EXTL3: variants seen among roughly 807,000 people sequenced by gnomAD.
EXTL3 encodes exostosin like glycosyltransferase 3.
Under a neutral mutation model 69.3 loss-of-function variants are expected in EXTL3, and 27 were observed. That is an observed-to-expected ratio of 0.39 (90% CI 0.29 to 0.54). The LOEUF (loss-of-function observed/expected upper bound fraction) is 0.54, where lower values mean the gene tolerates loss of function less well. EXTL3 is among the 20% of genes least tolerant of loss of function. EXTL3 has a pLI of 0.69. For synonymous variants in EXTL3, 511 were observed against 499.4 expected (o/e 1.02, Z -0.31); for missense variants, 1,003 against 1,231.8 (o/e 0.81, Z 2.78).
At chr8:28,652,426 G>A (rs911071710) in intron 1 of EXTL3, among the ~76,000 whole-genome samples, 5 of 152,046 alleles carry the variant, frequency 3.3e-5, no homozygotes, top group Non-Finnish European at 1.5e-5. Flanking sequence ...GGAGGCCAAG[G>A]TGGGAGGATT....
At chr8:28,633,968 C>T (rs144455072) in intron 1 of EXTL3, among the ~76,000 whole-genome samples, 27 of 152,252 alleles carry the variant, frequency 1.8e-4, no homozygotes, top group African/African-American at 5.8e-4. Context: ...TTTTCAGACA[C>T]GGAATCTGGT....
In EXTL3 at chr8:28,667,213, A is replaced by G. The variant is rs891026250; in HGVS notation, c.-53+44403A>G. 2.6e-5 allele frequency among the ~76,000 whole-genome samples: 4 copies of G among 152,332 alleles called. No homozygotes were observed. In the East Asian group the frequency reaches 7.7e-4, roughly 29 times the overall value. On this transcript the variant is annotated intron_variant, in intron 1 of 6. Coordinates refer to the EXTL3 transcript ENST00000523149. ...GGGGTCAAGACTCAACCCTGAATAT[A>G]ACAGTGGCAGCTGGGGATTTGTAGA...
chr8:28,684,295 G>A (rs1204390816), intron 1 of EXTL3, among the ~76,000 whole-genome samples: 1 of 152,140 alleles, frequency 6.6e-6, no homozygotes, highest in Non-Finnish European at 1.5e-5. Flanking sequence ...TATATACCCA[G>A]CAGTGGGATT....
intron 1 of EXTL3, among the ~76,000 whole-genome samples, chr8:28,674,508 C>T (rs2130648154): frequency 6.6e-6 from 1 of 152,314 alleles, no homozygotes; most frequent in South Asian, 2.1e-4. Flanking sequence ...CAAAAATGAC[C>T]TAGGAACTTT....
At chr8:28,732,122 C>T (rs768122827) in intron 4 of EXTL3, among the ~76,000 whole-genome samples, 2 of 152,126 alleles carry the variant, frequency 1.3e-5, no homozygotes, top group African/African-American at 2.4e-5. Flanking sequence ...AACCTGCACC[C>T]GGCCTTCAAC....
At chr8:28,731,179 A>T in intron 3 of EXTL3, 44 bp from the exon 4 acceptor site, 4 of 1,613,926 alleles carry the variant, frequency 2.5e-6, no homozygotes, top group Non-Finnish European at 3.4e-6. Context: ...TTGGCCTTTC[A>T]TAACACAGCC....
chr8:28,650,843 G>A (rs13439412), intron 1 of EXTL3, among the ~76,000 whole-genome samples: 3 of 151,888 alleles, frequency 2.0e-5, no homozygotes, highest in African/African-American at 4.8e-5. Flanking sequence ...TTGATATCTC[G>A]TAGGGATAAC....
At chr8:28,638,012 G>A (rs553360668) in intron 1 of EXTL3, among the ~76,000 whole-genome samples, 2 of 152,092 alleles carry the variant, frequency 1.3e-5, no homozygotes, top group South Asian at 2.1e-4. Flanking sequence ...CTTTCCTGAC[G>A]CACGTGTCTT....
chr8:28,749,173 A>G (rs1801951238), intron 6 of EXTL3, among the ~76,000 whole-genome samples: 1 of 152,226 alleles, frequency 6.6e-6, no homozygotes, highest in East Asian at 1.9e-4. Context: ...ACAGCTGATC[A>G]TGAGCAGGAG....
chr8:28,713,615 GTTGT>G, intron 2 of EXTL3, 65 bp downstream of exon 2: 2 of 687,670 alleles, frequency 2.9e-6, no homozygotes, highest in East Asian at 2.7e-5. Flanking sequence ...CTTCCATTCT[GTTGT>G]TTCTTTGTTA....
chr8:28,738,706 A>G (rs1487679300), intron 5 of EXTL3, among the ~76,000 whole-genome samples: 1 of 152,190 alleles, frequency 6.6e-6, no homozygotes, highest in Non-Finnish European at 1.5e-5. Context: ...GTAGACTTTG[A>G]GGCACTCATT....
In EXTL3 at chr8:28,715,987, G is replaced by GT; in HGVS notation, c.-69dup. 1.6e-6 allele frequency: 2 copies of GT among 1,269,096 alleles called. No individual in the cohort carries two copies. The highest frequency in any genetic ancestry group is 2.6e-4 in the Middle Eastern group (1 of 3,798). The allele number at this position is 1,269,096 out of a possible 1,614,324, so 78.6% of individuals were successfully genotyped here. A position where few individuals can be genotyped will look rare whatever the true frequency, so the allele number is the denominator to read the frequency against. On this transcript the variant is annotated 5_prime_UTR_variant, in exon 3 of 7. An upstream open reading frame in the 5' UTR loses its in-frame stop. Transcript: ENST00000220562. ...GAAACGTGTCAGTGAAACAGAGATCGTTTTGTGGAATAGCAACCCATGGTT... is the reference window on the plus strand; with the variant it reads ...GAAACGTGTCAGTGAAACAGAGATCGTTTTTGTGGAATAGCAACCCATGGTT...
chr8:28,715,939 T>A lies in EXTL3; in HGVS notation c.-121T>A. Reference sequence around the variant, plus strand: ...TGTTCATTTTATTTGGTGCCTTGTCTGGGGAGCACACTAACTCTTCTGGAA... The same window carrying A: ...TGTTCATTTTATTTGGTGCCTTGTCAGGGGAGCACACTAACTCTTCTGGAA... On this transcript the variant is annotated 5_prime_UTR_variant, in exon 3 of 7. Coordinates refer to ENST00000220562, the MANE Select transcript of EXTL3 (RefSeq NM_001440.4). The A allele has an allele frequency of 1.3e-6, 1 of 770,702 alleles. No individual in the cohort carries two copies. Among genetic ancestry groups the A allele is most frequent in the Non-Finnish European group, 2.1e-6 (1 of 472,554 alleles). The allele number at this position is 770,702 out of a possible 1,614,324, so 47.7% of individuals were successfully genotyped here. A position where few individuals can be genotyped will look rare whatever the true frequency, so the allele number is the denominator to read the frequency against.
chr8:28,690,954 G>A (rs557299364), intron 1 of EXTL3, among the ~76,000 whole-genome samples: 147 of 152,198 alleles, frequency 9.7e-4, no homozygotes, highest in Middle Eastern at 3.4e-3. Context: ...GGCTGCCATG[G>A]GAGTCTCCAA....
chr8:28,747,717 T>G (rs577529240), intron 6 of EXTL3, among the ~76,000 whole-genome samples: 1 of 144,678 alleles, frequency 6.9e-6, no homozygotes, highest in East Asian at 1.9e-4. Context: ...ATATATGTAT[T>G]TTTTCTTTTT....
chr8:28,660,709 C>T (rs1435294464), intron 1 of EXTL3, among the ~76,000 whole-genome samples: 1 of 152,030 alleles, frequency 6.6e-6, no homozygotes, highest in African/African-American at 2.4e-5. Context: ...TCTCCATTCC[C>T]CATCCCCCGG....
intron 1 of EXTL3, among the ~76,000 whole-genome samples, chr8:28,678,985 C>G (rs1191649986): frequency 1.3e-5 from 2 of 152,198 alleles, no homozygotes; most frequent in African/African-American, 4.8e-5. Context: ...AGGCCTCTCC[C>G]TTATACCAGC....
rs867711516 is a variant in EXTL3 at position 28,742,754 on chromosome 8, G to T, written c.2422-332G>T. The T allele has an allele frequency of 3.2e-3, 714 of 222,812 alleles. 9 individuals are homozygous for T. Among genetic ancestry groups the T allele is most frequent in the African/African-American group, 0.013 (532 of 40,890 alleles). 13.8% of individuals were successfully genotyped at this position (222,812 alleles called of 1,614,324 possible). A position where few individuals can be genotyped will look rare whatever the true frequency, so the allele number is the denominator to read the frequency against. ...ATCTTTTTTTTTTTTTTTGGCCATT[G>T]TTAGAGATAAAATAGTGTTCAATTG... is the stretch of plus-strand genomic sequence containing the variant. On this transcript the variant is annotated intron_variant, in intron 5 of 6. Transcript: ENST00000220562.
intron 1 of EXTL3, chr8:28,696,265 T>G (rs1800685030): frequency 6.6e-6 from 1 of 152,180 alleles, no homozygotes; most frequent in Non-Finnish European, 1.5e-5. Flanking sequence ...GTATGAGAAG[T>G]GTAAGCTTGA....
Sources: gnomAD v4.1 joint callset for allele counts (sites outside exome capture counted in the v4.1 genomes callset) on GRCh38, gnomAD v4.1.1 for gene constraint, MANE v1.5 for transcripts, NCBI Gene and HGNC (gene_info 2026-07-23, HGNC 2026-07-21) for gene names.